The following PCCA variants were observed in gnomAD, a reference collection of about 807,000 sequenced individuals.
PCCA encodes propionyl-CoA carboxylase subunit alpha.
A neutral mutation model predicts 101.3 loss-of-function variants in PCCA; 74 were observed. The observed-to-expected ratio is 0.73, with a 90% confidence interval of 0.61 to 0.89. The LOEUF (loss-of-function observed/expected upper bound fraction) is 0.89. PCCA is among the 40% of genes least tolerant of loss of function. PCCA has a pLI of 0.00. For synonymous variants in PCCA, 294 were observed against 313.6 expected (o/e 0.94, Z 0.66); for missense variants, 891 against 907.0 (o/e 0.98, Z 0.23).
At chr13:100,205,538 C>CT (rs3034652) in intron 6 of PCCA, among the ~76,000 whole-genome samples, 35,854 of 111,838 alleles carry the variant, frequency 0.32, 7,089 homozygotes, top group Middle Eastern at 0.43. Context: ...TTGATATAAG[C>CT]TTTTTTTTTT....
chr13:100,148,527 C>A (rs752910769), intron 4 of PCCA, among the ~76,000 whole-genome samples: 1 of 150,152 alleles, frequency 6.7e-6, no homozygotes, highest in African/African-American at 2.4e-5. Context: ...TGCTTGAATA[C>A]TTGATGTCTC....
rs549113717 is a variant in PCCA at position 100,146,235 on chromosome 13, C to T, written c.301-8744C>T. Among the ~76,000 whole-genome samples the T allele has an allele frequency of 9.2e-5, 14 of 151,656 alleles. No homozygotes were observed. In the East Asian group the frequency reaches 1.0e-3, roughly 11 times the overall value. The stretch of plus-strand genomic sequence containing the variant: ...GGATTACAGGCGTGAGCCACCGCAC[C>T]GGCCAGCTTTGCTTTTTTATAAGAT... On this transcript the variant is annotated intron_variant, in intron 4 of 23. Coordinates refer to ENST00000376285, the MANE Select transcript of PCCA (RefSeq NM_000282.4).
chr13:100,448,249 A>G (rs996188215), intron 20 of PCCA, among the ~76,000 whole-genome samples: 2 of 152,160 alleles, frequency 1.3e-5, no homozygotes, highest in African/African-American at 2.4e-5. Context: ...GTGCAGTGGC[A>G]GGATCTTGGC....
intron 23 of PCCA, among the ~76,000 whole-genome samples, chr13:100,528,704 G>T (rs1214249134): frequency 1.3e-5 from 2 of 152,234 alleles, no homozygotes; most frequent in African/African-American, 4.8e-5. Flanking sequence ...CACTGTGCTG[G>T]TATGGTGTGA....
intron 18 of PCCA, among the ~76,000 whole-genome samples, chr13:100,350,407 T>C (rs572382119): frequency 1.3e-5 from 2 of 152,340 alleles, no homozygotes; most frequent in South Asian, 4.1e-4. Context: ...TGTTTGGAAA[T>C]AGCTACGTTC....
intron 4 of PCCA, among the ~76,000 whole-genome samples, chr13:100,151,634 A>C (rs1304581721): frequency 6.6e-6 from 1 of 152,082 alleles, no homozygotes; most frequent in Non-Finnish European, 1.5e-5. Flanking sequence ...AAACAAAAAA[A>C]ACCCTAAATG....
chr13:100,506,435 G>A (rs924628504), intron 21 of PCCA, among the ~76,000 whole-genome samples: 4 of 152,224 alleles, frequency 2.6e-5, no homozygotes, highest in South Asian at 4.2e-4. Context: ...AGTTTTCTTG[G>A]CCGACGGTCT....
chr13:100,466,551 A>G (rs560179604), intron 21 of PCCA, among the ~76,000 whole-genome samples: 1 of 152,354 alleles, frequency 6.6e-6, no homozygotes, highest in African/African-American at 2.4e-5. Flanking sequence ...CAACACTGCA[A>G]AGTCAAAGTA....
chr13:100,301,648 A>AGTCATGAGACCTG, intron 13 of PCCA, 45 bp downstream of exon 13: 10 of 1,605,676 alleles, frequency 6.2e-6, no homozygotes, highest in Non-Finnish European at 8.5e-6. Flanking sequence ...TTATGTCCAG[A>AGTCATGAGACCTG]GTCATGAGAC....
At chr13:100,365,166 A>G (rs2075042534) in intron 18 of PCCA, among the ~76,000 whole-genome samples, 1 of 152,198 alleles carries the variant, frequency 6.6e-6, no homozygotes, top group Admixed American at 6.5e-5. Context: ...GTGTAGAAAT[A>G]TTGGTTCAAA....
rs145568628 is a variant in PCCA, at chr13:100,293,617, C to T, written c.1066-7843C>T. On this transcript the variant is annotated intron_variant, in intron 12 of 23. Coordinates refer to ENST00000376285, the MANE Select transcript of PCCA (RefSeq NM_000282.4). ...TTCTAACTAATTGTAAAATTTCATT[C>T]TTGTCAGAAGGGGCATTTTGGATGT... Among the ~76,000 whole-genome samples the T allele has an allele frequency of 2.2e-3, 330 of 152,210 alleles. 2 individuals are homozygous for T. The highest frequency in any genetic ancestry group is 7.7e-3 in the African/African-American group (319 of 41,544).
intron 22 of PCCA, among the ~76,000 whole-genome samples, chr13:100,523,695 G>T (rs754011236): frequency 6.6e-6 from 1 of 152,308 alleles, no homozygotes; most frequent in South Asian, 2.1e-4. Context: ...AGGAGAGGAC[G>T]CAATAAGCTG....
chr13:100,167,143 G>A (rs1356209892), intron 6 of PCCA, among the ~76,000 whole-genome samples: 2 of 152,170 alleles, frequency 1.3e-5, no homozygotes, highest in Non-Finnish European at 2.9e-5. Context: ...CTCCCATGAT[G>A]TGGTTCTGTT....
At chr13:100,401,012 T>G (rs2077330756) in intron 19 of PCCA, among the ~76,000 whole-genome samples, 1 of 152,154 alleles carries the variant, frequency 6.6e-6, no homozygotes, top group South Asian at 2.1e-4. Flanking sequence ...CTTTAGGACT[T>G]TTTAGAATAT....
chr13:100,114,136 A>C (rs564879607), intron 4 of PCCA, among the ~76,000 whole-genome samples: 1 of 152,324 alleles, frequency 6.6e-6, no homozygotes, highest in South Asian at 2.1e-4. Flanking sequence ...AAGCTTCTAC[A>C]CAGCCAAGGA....
chr13:100,298,136 A>T (rs942388749), intron 12 of PCCA, among the ~76,000 whole-genome samples: 3 of 152,156 alleles, frequency 2.0e-5, no homozygotes, highest in East Asian at 1.9e-4. Context: ...TAGGAAAAAC[A>T]TATGAAGCCA....
intron 17 of PCCA, among the ~76,000 whole-genome samples, chr13:100,335,148 A>G (rs903959510): frequency 1.3e-5 from 2 of 152,222 alleles, no homozygotes; most frequent in Non-Finnish European, 2.9e-5. Context: ...ATCGTCATCA[A>G]TATAAACAAA....
chr13:100,449,188 C>G, intron 20 of PCCA, 64 bp from the exon 21 acceptor site: 1 of 1,015,628 alleles, frequency 9.8e-7, no homozygotes, highest in Non-Finnish European at 1.5e-6. Context: ...TTTTGGCTAT[C>G]GTGAACATTA....
chr13:100,493,529 C>T (rs1404005662), intron 21 of PCCA, among the ~76,000 whole-genome samples: 3 of 152,178 alleles, frequency 2.0e-5, no homozygotes, highest in Non-Finnish European at 4.4e-5. Flanking sequence ...TTAGGGCTGA[C>T]TTGAAACTTG....
Sources: allele counts gnomAD v4.1 joint callset (sites outside exome capture counted in the v4.1 genomes callset), GRCh38; gene constraint gnomAD v4.1.1; transcripts MANE v1.5; gene names NCBI Gene and HGNC (gene_info 2026-07-23, HGNC 2026-07-21).